The following PTPRD variants were observed in gnomAD, a reference collection of about 807,000 sequenced individuals.
PTPRD encodes receptor-type tyrosine-protein phosphatase delta.
A neutral mutation model predicts 214.5 loss-of-function variants in PTPRD; 34 were observed. The observed-to-expected ratio is 0.16, with a 90% confidence interval of 0.12 to 0.21. The LOEUF is 0.21. PTPRD is among the 10% of genes least tolerant of loss of function. The probability of loss-of-function intolerance (pLI) is 1.00; values close to 1 mark genes in which losing one functional copy is unlikely to be tolerated. For missense variants in PTPRD, 2,545 were observed against 2,398.7 expected (o/e 1.06, Z -1.27); for synonymous variants, 1,128 against 845.7 (o/e 1.33, Z -5.79).
intron 10 of PTPRD, among the ~76,000 whole-genome samples, chr9:9,080,121 T>G (rs1030748894): frequency 1.3e-5 from 2 of 152,036 alleles, no homozygotes; most frequent in African/African-American, 4.8e-5. Context: ...ATCACTGTAC[T>G]AGATCCCTGA....
At chr9:8,370,626 G>A (rs1168807437) in intron 39 of PTPRD, among the ~76,000 whole-genome samples, 2 of 152,080 alleles carry the variant, frequency 1.3e-5, no homozygotes. Context: ...TAGAAAGAGT[G>A]AAAGAAAGGC....
intron 3 of PTPRD, among the ~76,000 whole-genome samples, chr9:10,105,279 T>G (rs72694862): frequency 6.6e-6 from 1 of 151,818 alleles, no homozygotes; most frequent in Non-Finnish European, 1.5e-5. Context: ...TAATTCATCT[T>G]GAAGTATAAG....
intron 14 of PTPRD, among the ~76,000 whole-genome samples, chr9:8,551,196 A>T (rs1054265452): frequency 1.3e-5 from 2 of 152,222 alleles, no homozygotes; most frequent in African/African-American, 4.8e-5. Flanking sequence ...AAGTGACTTT[A>T]ACCTCCGTAG....
chr9:8,902,347 T>TC (rs573751731), intron 11 of PTPRD, among the ~76,000 whole-genome samples: 1 of 38,096 alleles, frequency 2.6e-5, no homozygotes, highest in East Asian at 3.2e-4. Context: ...TTCTTTTTCT[T>TC]TTTTTTTTTT....
At chr9:9,821,141 T>A (rs2050578346) in intron 5 of PTPRD, among the ~76,000 whole-genome samples, 1 of 152,160 alleles carries the variant, frequency 6.6e-6, no homozygotes, top group African/African-American at 2.4e-5. Flanking sequence ...TCATCTATGT[T>A]TTCTGTTAAG....
intron 3 of PTPRD, among the ~76,000 whole-genome samples, chr9:10,322,385 G>A (rs552096543): frequency 6.6e-6 from 1 of 152,124 alleles, no homozygotes; most frequent in South Asian, 2.1e-4. Flanking sequence ...GAGTCAGGAG[G>A]TTACATGCTA....
chr9:9,808,824 C>T (rs571033469), intron 5 of PTPRD, among the ~76,000 whole-genome samples: 9 of 152,172 alleles, frequency 5.9e-5, no homozygotes, highest in Admixed American at 1.3e-4. Flanking sequence ...CAGGCTAGAA[C>T]GCAGTGGCTC....
chr9:9,764,814 C>T (rs2098693058), intron 6 of PTPRD, among the ~76,000 whole-genome samples: 1 of 152,062 alleles, frequency 6.6e-6, no homozygotes, highest in African/African-American at 2.4e-5. Context: ...AGTCACGATC[C>T]CCCCAACTGC....
chr9:8,769,359 A>G (rs1436217456), intron 11 of PTPRD, among the ~76,000 whole-genome samples: 1 of 152,232 alleles, frequency 6.6e-6, no homozygotes, highest in Non-Finnish European at 1.5e-5. Flanking sequence ...CAAAAGCGTA[A>G]TTACAGCTGG....
chr9:9,439,963 A>T (rs548445708), intron 8 of PTPRD, among the ~76,000 whole-genome samples: 1 of 152,204 alleles, frequency 6.6e-6, no homozygotes, highest in East Asian at 1.9e-4. Context: ...ATTTATGACC[A>T]TCATCATGAC....
chr9:9,074,933 T>G (rs538977416), intron 10 of PTPRD, among the ~76,000 whole-genome samples: 6 of 151,938 alleles, frequency 3.9e-5, no homozygotes, highest in African/African-American at 1.2e-4. Flanking sequence ...TATATTATCC[T>G]ATCATGTACC....
chr9:8,552,755 T>A (rs1312711975), intron 14 of PTPRD, among the ~76,000 whole-genome samples: 2 of 152,174 alleles, frequency 1.3e-5, no homozygotes, highest in Admixed American at 1.3e-4. Context: ...GGTGGATTGA[T>A]AATGACCATA....
chr9:10,223,108 T>G (rs151283234), intron 3 of PTPRD, among the ~76,000 whole-genome samples: 68 of 152,116 alleles, frequency 4.5e-4, no homozygotes, highest in African/African-American at 1.4e-3. Context: ...ATTCAATTAC[T>G]TTGTTTCTTT....
At chr9:8,770,928 C>A (rs2095156999) in intron 11 of PTPRD, among the ~76,000 whole-genome samples, 2 of 152,098 alleles carry the variant, frequency 1.3e-5, no homozygotes, top group African/African-American at 4.8e-5. Context: ...GCCTGTAATA[C>A]CTGCACTTTG....
At chr9:9,474,205 GAAGATTGTCCTTTCCCTAACGTATC>G (rs2094848560) in intron 8 of PTPRD, among the ~76,000 whole-genome samples, 5 of 152,000 alleles carry the variant, frequency 3.3e-5, no homozygotes, top group African/African-American at 9.7e-5. Context: ...ACCATTTATT[GAAGATTGTCCTTTCCCTAACGTATC>G]TTCTTGGTAC....
intron 11 of PTPRD, among the ~76,000 whole-genome samples, chr9:8,746,804 G>C (rs917884442): frequency 9.3e-5 from 14 of 150,764 alleles, no homozygotes; most frequent in African/African-American, 3.5e-4. Context: ...GACCAGCCTG[G>C]GCAACATAAC....
chr9:8,961,413 C>T (rs144602373), intron 11 of PTPRD, among the ~76,000 whole-genome samples: 5 of 152,188 alleles, frequency 3.3e-5, no homozygotes, highest in African/African-American at 7.2e-5. Context: ...AATGACTGAC[C>T]TTGATCCTGG....
intron 3 of PTPRD, among the ~76,000 whole-genome samples, chr9:10,126,062 A>T (rs2154252798): frequency 6.6e-6 from 1 of 152,316 alleles, no homozygotes; most frequent in East Asian, 1.9e-4. Context: ...GCTTTCAAGC[A>T]ATATACGGAA....
intron 12 of PTPRD, among the ~76,000 whole-genome samples, chr9:8,730,405 C>T (rs144252338): frequency 6.6e-6 from 1 of 152,086 alleles, no homozygotes; most frequent in Admixed American, 6.6e-5. Context: ...ACTAAACCAT[C>T]TGAGGAATTA....
Sources: allele counts gnomAD v4.1 joint callset (sites outside exome capture counted in the v4.1 genomes callset), GRCh38; gene constraint gnomAD v4.1.1; transcripts MANE v1.5; gene names NCBI Gene and HGNC (gene_info 2026-07-23, HGNC 2026-07-21).